Variants in SCD5 observed in about 807,000 individuals in gnomAD.
The protein encoded by SCD5 is acyl-CoA-desaturase 4.
In SCD5, 20 loss-of-function variants were observed where a neutral mutation model predicts 30.4. That is an observed-to-expected ratio of 0.66 (90% CI 0.46 to 0.96). The LOEUF is 0.96. Among genes scored for constraint, SCD5 ranks in the 40% least tolerant of loss-of-function variants. SCD5 has a pLI of 0.00. For synonymous variants in SCD5, 173 were observed against 176.4 expected (o/e 0.98, Z 0.16); for missense variants, 381 against 443.3 (o/e 0.86, Z 1.26).
intron 1 of SCD5, among the ~76,000 whole-genome samples, chr4:82,735,827 G>A (rs932200144): frequency 1.3e-5 from 2 of 152,164 alleles, no homozygotes; most frequent in Non-Finnish European, 2.9e-5. Context: ...GAAATATGTC[G>A]TAGGAATTTA....
intron 1 of SCD5, among the ~76,000 whole-genome samples, chr4:82,730,925 T>G (rs914165279): frequency 3.3e-5 from 5 of 152,190 alleles, no homozygotes; most frequent in Admixed American, 3.3e-4. Flanking sequence ...CTCACTCTCT[T>G]GAACGACTGC....
intron 3 of SCD5, among the ~76,000 whole-genome samples, chr4:82,650,209 G>A (rs962826772): frequency 1.3e-4 from 20 of 152,168 alleles, no homozygotes; most frequent in Admixed American, 2.6e-4. Flanking sequence ...ATAGAAAGAT[G>A]AATAGGACAT....
intron 3 of SCD5, among the ~76,000 whole-genome samples, chr4:82,665,109 T>G (rs1481672497): frequency 6.9e-6 from 1 of 144,868 alleles, no homozygotes; most frequent in Non-Finnish European, 1.5e-5. Flanking sequence ...CATGGTGGTA[T>G]GTGCCTGTAG....
intron 1 of SCD5, among the ~76,000 whole-genome samples, chr4:82,747,809 T>C (rs566167165): frequency 3.3e-5 from 5 of 152,250 alleles, no homozygotes; most frequent in Middle Eastern, 3.4e-3. Context: ...CCACTGGCAC[T>C]AGGAGAAAAC....
intron 1 of SCD5, among the ~76,000 whole-genome samples, chr4:82,709,866 G>C (rs1043165601): frequency 1.3e-5 from 2 of 152,222 alleles, no homozygotes; most frequent in Admixed American, 6.5e-5. Flanking sequence ...AGCGAGAAGG[G>C]AGTGAAGACT....
At chr4:82,727,462 T>C (rs1212857823) in intron 1 of SCD5, among the ~76,000 whole-genome samples, 1 of 152,232 alleles carries the variant, frequency 6.6e-6, no homozygotes, top group Admixed American at 6.5e-5. Flanking sequence ...TCAGAGGTTA[T>C]GGTCCATCCA....
chr4:82,728,804 G>A (rs547398480), intron 1 of SCD5, among the ~76,000 whole-genome samples: 18 of 152,212 alleles, frequency 1.2e-4, no homozygotes, highest in African/African-American at 3.9e-4. Context: ...TGTGGGCTAC[G>A]CTCATGTCAA....
At chr4:82,634,177 C>T (rs1340332019) in intron 4 of SCD5, among the ~76,000 whole-genome samples, 1 of 152,112 alleles carries the variant, frequency 6.6e-6, no homozygotes, top group African/African-American at 2.4e-5. Context: ...GTGTTGTTTC[C>T]ACTTTTAGCT....
At chr4:82,702,316 C>A (rs1008137873) in intron 2 of SCD5, among the ~76,000 whole-genome samples, 1 of 151,368 alleles carries the variant, frequency 6.6e-6, no homozygotes, top group Non-Finnish European at 1.5e-5. Flanking sequence ...AGCTAATTTT[C>A]GTATTTTTAG....
intron 2 of SCD5, among the ~76,000 whole-genome samples, chr4:82,689,612 G>A (rs147171247): frequency 7.9e-5 from 12 of 152,268 alleles, no homozygotes; most frequent in African/African-American, 2.9e-4. Context: ...CCATTTTGCA[G>A]CTGTCATGGC....
At chr4:82,797,214 T>C (rs1722244089) in intron 1 of SCD5, among the ~76,000 whole-genome samples, 1 of 152,110 alleles carries the variant, frequency 6.6e-6, no homozygotes. Flanking sequence ...TCCTTCCTCT[T>C]CCCCTCTGGA....
At position 82,655,205 on chromosome 4, in the gene SCD5, T is replaced by C. The variant is rs138561461; in HGVS notation, c.570-18382A>G. 3.6e-3 allele frequency among the ~76,000 whole-genome samples: 548 copies of C among 152,360 alleles called. 7 individuals are homozygous for C. The highest frequency in any genetic ancestry group is 0.013 in the African/African-American group (523 of 41,586). On this transcript the variant is annotated intron_variant, in intron 3 of 4. Coordinates refer to ENST00000319540, the MANE Select transcript of SCD5 (RefSeq NM_001037582.3). ...TTCTTCCCAATTAAATTACAAGATATATAAAGGCAAGGACTCTCTTTTTTT... is the reference window on the plus strand; with the variant it reads ...TTCTTCCCAATTAAATTACAAGATACATAAAGGCAAGGACTCTCTTTTTTT...
At chr4:82,674,804 A>C (rs866323470) in intron 3 of SCD5, among the ~76,000 whole-genome samples, 16 of 152,200 alleles carry the variant, frequency 1.1e-4, no homozygotes, top group Admixed American at 6.5e-4. Flanking sequence ...AAAAGAAATG[A>C]GCTATGAAGT....
At chr4:82,661,064 G>T in intron 3 of SCD5, 1 of 1,613,282 alleles carries the variant, frequency 6.2e-7, no homozygotes, top group South Asian at 1.1e-5. Flanking sequence ...CCTTCTTTCT[G>T]GATGTGCTGT....
At chr4:82,694,771 G>A (rs1675000831) in intron 2 of SCD5, among the ~76,000 whole-genome samples, 1 of 152,170 alleles carries the variant, frequency 6.6e-6, no homozygotes, top group Non-Finnish European at 1.5e-5. Flanking sequence ...GCATTGAGTA[G>A]GCTGAGAGGA....
chr4:82,763,668 G>A (rs1452123507), intron 1 of SCD5, among the ~76,000 whole-genome samples: 2 of 152,224 alleles, frequency 1.3e-5, no homozygotes, highest in East Asian at 1.9e-4. Flanking sequence ...CACGTGAAGC[G>A]GCAGGAAGAG....
At chr4:82,768,366 C>T (rs1317404895) in intron 1 of SCD5, among the ~76,000 whole-genome samples, 1 of 151,760 alleles carries the variant, frequency 6.6e-6, no homozygotes, top group African/African-American at 2.4e-5. Context: ...ATAACATTGG[C>T]CTAAAATAAC....
At chr4:82,757,459 T>C (rs866653308) in intron 1 of SCD5, among the ~76,000 whole-genome samples, 10 of 152,308 alleles carry the variant, frequency 6.6e-5, no homozygotes, top group Middle Eastern at 3.4e-3. Flanking sequence ...TTCAACTGAA[T>C]TGAATTGCCC....
rs557487379 is a variant in SCD5, at chr4:82,689,527, T to C, written c.364-8615A>G. Among the ~76,000 whole-genome samples the C allele has an allele frequency of 2.0e-5, 3 of 152,262 alleles. No individual in the cohort carries two copies. The East Asian group carries it at 5.8e-4, about 29-fold the overall frequency. On this transcript the variant is annotated intron_variant, in intron 2 of 4. Coordinates refer to ENST00000319540, the MANE Select transcript of SCD5 (RefSeq NM_001037582.3). ...AACAGTCCATGGGCTATAAATACATTGGAAAAAGCAAACTTTTCTTTACAG... is the reference window on the plus strand; with the variant it reads ...AACAGTCCATGGGCTATAAATACATCGGAAAAAGCAAACTTTTCTTTACAG...
Sources: allele counts gnomAD v4.1 joint callset (sites outside exome capture counted in the v4.1 genomes callset), GRCh38; gene constraint gnomAD v4.1.1; transcripts MANE v1.5; gene names NCBI Gene and HGNC (gene_info 2026-07-23, HGNC 2026-07-21).